Variants in NUP54 observed in about 807,000 individuals in gnomAD.
The protein encoded by NUP54 is nucleoporin 54, also known as nucleoporin p54.
NUP54 carries 27 observed loss-of-function variants against 66.4 expected under a neutral mutation model. That is an observed-to-expected ratio of 0.41 (90% confidence interval 0.30 to 0.56). The LOEUF (loss-of-function observed/expected upper bound fraction) is 0.56, where lower values mean the gene tolerates loss of function less well. Among genes scored for constraint, NUP54 ranks in the 20% least tolerant of loss-of-function variants. The probability of loss-of-function intolerance (pLI) is 0.34; values close to 1 mark genes in which losing one functional copy is unlikely to be tolerated. For synonymous variants in NUP54, 206 were observed against 210.7 expected, an observed-to-expected ratio of 0.98 and a Z score of 0.19; for missense variants, 486 against 596.3, an observed-to-expected ratio of 0.82 and a Z score of 1.93.
intron 9 of NUP54, among the ~76,000 whole-genome samples, chr4:76,120,824 T>G (rs1463330767): frequency 6.6e-6 from 1 of 152,242 alleles, no homozygotes; most frequent in Non-Finnish European, 1.5e-5. Context: ...CATTTGCTTT[T>G]TCTATGAACT....
intron 7 of NUP54, 166 bp from the exon 8 acceptor site, chr4:76,130,915 A>G (rs62300573): frequency 0.15 from 91,180 of 611,344 alleles, 7,833 homozygotes; most frequent in East Asian, 0.35. Flanking sequence ...ATTTTATTCA[A>G]CCTCCCTATT....
intron 4 of NUP54, among the ~76,000 whole-genome samples, chr4:76,135,059 A>T (rs1730975274): frequency 6.6e-6 from 1 of 152,134 alleles, no homozygotes; most frequent in African/African-American, 2.4e-5. Context: ...TGTATATCTG[A>T]TTCATGGAAT....
At chr4:76,128,259 G>A (rs1283418685) in intron 8 of NUP54, among the ~76,000 whole-genome samples, 1 of 151,882 alleles carries the variant, frequency 6.6e-6, no homozygotes, top group African/African-American at 2.4e-5. Context: ...CACATTAGAC[G>A]CCTGTAGTAC....
intron 3 of NUP54, among the ~76,000 whole-genome samples, chr4:76,140,127 A>G (rs1390444727): frequency 6.6e-6 from 1 of 152,140 alleles, no homozygotes; most frequent in East Asian, 1.9e-4. Context: ...AACGGAGTAC[A>G]GCTAGAATAA....
chr4:76,124,780 G>A, intron 8 of NUP54, 24 bp from the exon 9 acceptor site: 5 of 589,142 alleles, frequency 8.5e-6, no homozygotes, highest in South Asian at 3.1e-5. Context: ...AATTGGGGGG[G>A]GGAGGGTTAA....
At chr4:76,120,722 C>T (rs981447312) in intron 9 of NUP54, among the ~76,000 whole-genome samples, 3 of 152,102 alleles carry the variant, frequency 2.0e-5, no homozygotes, top group Non-Finnish European at 4.4e-5. Flanking sequence ...CCACTGCGCC[C>T]GGCCAGGATC....
At chr4:76,132,863 T>TA in intron 5 of NUP54, 144 bp from the exon 6 acceptor site, 1 of 454,326 alleles carries the variant, frequency 2.2e-6, no homozygotes, top group Non-Finnish European at 3.7e-6. Flanking sequence ...ATGTTTCCTT[T>TA]TTTTTTTTTT....
chr4:76,120,585 T>A (rs1730191612), intron 9 of NUP54, among the ~76,000 whole-genome samples: 1 of 152,060 alleles, frequency 6.6e-6, no homozygotes, highest in South Asian at 2.1e-4. Flanking sequence ...CCTGCCACCA[T>A]GCCCAGCTAA....
At chr4:76,146,529 G>A (rs74645793) in intron 1 of NUP54, among the ~76,000 whole-genome samples, 3 of 152,124 alleles carry the variant, frequency 2.0e-5, no homozygotes, top group African/African-American at 7.2e-5. Flanking sequence ...TAATCACATT[G>A]CAGTAACCAG....
chr4:76,141,813 A>G (rs1000589605), intron 3 of NUP54, among the ~76,000 whole-genome samples: 1 of 152,256 alleles, frequency 6.6e-6, no homozygotes, highest in Non-Finnish European at 1.5e-5. Context: ...AGTAAAACAT[A>G]TAAGGCACGC....
intron 9 of NUP54, among the ~76,000 whole-genome samples, chr4:76,119,422 C>T (rs1307047865): frequency 5.3e-5 from 8 of 152,040 alleles, no homozygotes; most frequent in Admixed American, 5.2e-4. Flanking sequence ...GCTTTCTTGC[C>T]CAGGCTGGAG....
intron 1 of NUP54, among the ~76,000 whole-genome samples, chr4:76,147,174 T>C (rs896333213): frequency 5.3e-5 from 8 of 152,182 alleles, no homozygotes; most frequent in African/African-American, 1.9e-4. Flanking sequence ...TGACTGGTGG[T>C]GAGTTTATAC....
intron 3 of NUP54, among the ~76,000 whole-genome samples, chr4:76,142,586 GGGA>G (rs1731309635): frequency 2.0e-5 from 3 of 152,062 alleles, no homozygotes; most frequent in African/African-American, 7.2e-5. Context: ...CCATAAAATG[GGGA>G]TAACAAAAGT....
intron 8 of NUP54, among the ~76,000 whole-genome samples, chr4:76,127,389 G>A (rs7686854): frequency 0.14 from 18,657 of 136,918 alleles, 1,416 homozygotes; most frequent in East Asian, 0.36. Flanking sequence ...CCGAGATTGC[G>A]CCACTGCACT....
At chr4:76,130,036 A>G (rs35040945) in intron 8 of NUP54, among the ~76,000 whole-genome samples, 16,553 of 111,680 alleles carry the variant, frequency 0.15, 1,323 homozygotes, top group East Asian at 0.38. Context: ...GCTGGAGTGC[A>G]GTGGCACGAT....
At chr4:76,140,914 G>A (rs1001827729) in intron 3 of NUP54, among the ~76,000 whole-genome samples, 1 of 152,168 alleles carries the variant, frequency 6.6e-6, no homozygotes, top group Non-Finnish European at 1.5e-5. Flanking sequence ...GAAATGGAAG[G>A]CCATGGAATC....
At position 76,130,759 on chromosome 4, in the gene NUP54, C is replaced by G; in HGVS notation, c.963-10G>C. On this transcript the variant is annotated splice_polypyrimidine_tract_variant and intron_variant, in intron 7 of 11. Transcript: ENST00000264883. ...TGGTACAGGAATTAACCTGAAGAAA[C>G]GCAGTGAACAATTTTCAGACCTTAA... The G allele has an allele frequency of 6.3e-7, 1 of 1,584,792 alleles. No individual in the cohort carries two copies. The highest frequency in any genetic ancestry group is 1.1e-5 in the South Asian group (1 of 90,298).
At chr4:76,121,065 C>G (rs928014596) in intron 9 of NUP54, among the ~76,000 whole-genome samples, 1 of 152,120 alleles carries the variant, frequency 6.6e-6, no homozygotes. Flanking sequence ...TGATCAATGT[C>G]TCTCAAATCC....
Position 76,132,672 on chromosome 4 carries a change from G to A in NUP54, c.758C>T (p.Ser253Leu). 6.2e-7 allele frequency: 1 copy of A among 1,613,780 alleles called. No individual in the cohort carries two copies. The highest frequency in any genetic ancestry group is 1.3e-5 in the African/African-American group (1 of 74,998). The change falls in exon 6 of 12, where the codon TCA (serine) becomes TTA (leucine). Residue 253 changes from serine (S) to leucine (L), a missense_variant. Physicochemically the swap from Ser to Leu is moderately radical, Grantham distance 145 (BLOSUM62 -2). Transcript: ENST00000264883. The part of the protein sequence containing the change: ...YVVERSPNGT[S>L]RRVPATTLYA... ...TAGCGTTGTAGCTGGAACTCTTCTT[G>A]AAGTACCATTTGGCGAACGCTCAAC...
Sources: gnomAD v4.1 joint callset for allele counts (sites outside exome capture counted in the v4.1 genomes callset) on GRCh38, gnomAD v4.1.1 for gene constraint, MANE v1.5 for transcripts, NCBI Gene and HGNC (gene_info 2026-07-23, HGNC 2026-07-21) for gene names.